CALN1: variants seen among roughly 807,000 people sequenced by gnomAD.
CALN1 encodes calneuron 1.
In CALN1, 17 loss-of-function variants were observed where a neutral mutation model predicts 30.6. The observed-to-expected ratio is 0.56, with a 90% CI of 0.38 to 0.83. The LOEUF (loss-of-function observed/expected upper bound fraction) is 0.83. Among genes scored for constraint, CALN1 ranks in the 40% least tolerant of loss-of-function variants. The pLI, the probability that CALN1 is intolerant of heterozygous loss-of-function variation, is 0.00. For missense variants in CALN1, 291 were observed against 354.9 expected (o/e 0.82, Z 1.45); for synonymous variants, 156 against 131.4 (o/e 1.19, Z -1.28).
At chr7:71,852,843 T>G (rs1790728387) in intron 5 of CALN1, among the ~76,000 whole-genome samples, 1 of 152,228 alleles carries the variant, frequency 6.6e-6, no homozygotes, top group Non-Finnish European at 1.5e-5. Flanking sequence ...TTGTGCTTAT[T>G]AGCCATTTGT....
chr7:72,164,364 AAAAAGAAG>A lies in CALN1; in HGVS notation c.245-58078_245-58071del, dbSNP rs1472750490. The stretch of plus-strand genomic sequence containing the variant: ...AACACTCCGTCAAAAAAAAAAAAAA[AAAAAGAAG>A]AAGAAGAAGACAGAGACACATAGGA... On this transcript the variant is annotated intron_variant, in intron 3 of 6. Coordinates refer to ENST00000395275, the MANE Select transcript of CALN1 (RefSeq NM_031468.4). Among the ~76,000 whole-genome samples the A allele has an allele frequency of 6.8e-3, 973 of 142,770 alleles. 6 individuals are homozygous for A. The highest frequency in any genetic ancestry group is 0.01 in the Non-Finnish European group (641 of 63,996). The allele number at this position is 142,770 out of a possible 152,430, so 93.7% of individuals were successfully genotyped here.
the CALN1 span, among the ~76,000 whole-genome samples, chr7:72,456,578 A>G: frequency 6.7e-3 from 1,020 of 151,976 alleles, 3 homozygotes; most frequent in Non-Finnish European, 0.011. Context: ...TCAGCCAGGC[A>G]TGGTGGCTCA....
At chr7:71,822,820 A>G (rs1788674146) in intron 5 of CALN1, among the ~76,000 whole-genome samples, 1 of 152,080 alleles carries the variant, frequency 6.6e-6, no homozygotes, top group African/African-American at 2.4e-5. Flanking sequence ...ATTTTCTACT[A>G]TTTGCATCTT....
At chr7:72,041,720 A>C (rs1181196754) in intron 4 of CALN1, among the ~76,000 whole-genome samples, 1 of 152,114 alleles carries the variant, frequency 6.6e-6, no homozygotes, top group Non-Finnish European at 1.5e-5. Flanking sequence ...CGTAATTCCC[A>C]CGTGTCATGG....
At chr7:72,241,180 G>A (rs372043897) in intron 3 of CALN1, among the ~76,000 whole-genome samples, 39 of 152,274 alleles carry the variant, frequency 2.6e-4, no homozygotes, top group African/African-American at 9.1e-4. Context: ...AATCATTCAT[G>A]TTAGAGTCTG....
At chr7:71,950,048 C>A (rs1796610619) in intron 5 of CALN1, among the ~76,000 whole-genome samples, 1 of 152,180 alleles carries the variant, frequency 6.6e-6, no homozygotes, top group Non-Finnish European at 1.5e-5. Flanking sequence ...AGGTGTGAGC[C>A]ACCGTGCCTG....
At chr7:72,299,444 A>G (rs902045438) in intron 2 of CALN1, among the ~76,000 whole-genome samples, 1 of 59,068 alleles carries the variant, frequency 1.7e-5, no homozygotes, top group Non-Finnish European at 3.8e-5. Flanking sequence ...TATTTAACTC[A>G]TCTTTCATAG....
intron 2 of CALN1, among the ~76,000 whole-genome samples, chr7:72,373,825 A>C (rs1460350573): frequency 2.0e-5 from 3 of 152,238 alleles, no homozygotes; most frequent in African/African-American, 7.2e-5. Flanking sequence ...GACACATCAT[A>C]AACTGATGAG....
At chr7:72,168,403 G>A (rs1273945317) in intron 3 of CALN1, among the ~76,000 whole-genome samples, 1 of 152,148 alleles carries the variant, frequency 6.6e-6, no homozygotes, top group Admixed American at 6.5e-5. Context: ...AAAATTGCAT[G>A]CATACGTATT....
At chr7:71,790,062 C>A (rs915603316) in intron 6 of CALN1, among the ~76,000 whole-genome samples, 5 of 151,158 alleles carry the variant, frequency 3.3e-5, no homozygotes, top group African/African-American at 1.2e-4. Flanking sequence ...TGTGGTCACA[C>A]CACTGTATTC....
intron 5 of CALN1, among the ~76,000 whole-genome samples, chr7:71,857,821 G>C (rs1023204889): frequency 6.6e-6 from 1 of 152,028 alleles, no homozygotes; most frequent in Admixed American, 6.6e-5. Context: ...AATTAGAAAA[G>C]GAAAAAAGGC....
chr7:72,062,045 T>C (rs1803691280), intron 4 of CALN1, among the ~76,000 whole-genome samples: 2 of 152,102 alleles, frequency 1.3e-5, no homozygotes, highest in Non-Finnish European at 1.5e-5. Flanking sequence ...TGGAACAACA[T>C]TGTTAAAGAG....
intron 5 of CALN1, among the ~76,000 whole-genome samples, chr7:71,862,896 C>G (rs1791373028): frequency 6.6e-6 from 1 of 152,152 alleles, no homozygotes; most frequent in Non-Finnish European, 1.5e-5. Flanking sequence ...AGAGGAAATC[C>G]CATGTAATGA....
intron 3 of CALN1, among the ~76,000 whole-genome samples, chr7:72,138,560 A>ACT (rs6488): frequency 0.76 from 115,652 of 151,988 alleles, 44,461 homozygotes; most frequent in East Asian, 0.96. Context: ...GGAGACGGGG[A>ACT]CTGCCCTTAG....
At chr7:72,301,610 C>CAA (rs34940935) in intron 2 of CALN1, among the ~76,000 whole-genome samples, 59,202 of 104,108 alleles carry the variant, frequency 0.57, 18,108 homozygotes, top group East Asian at 0.97. Flanking sequence ...CTTTGTCTCT[C>CAA]AAAAAAAAAA....
the CALN1 span, among the ~76,000 whole-genome samples, chr7:72,471,017 G>A: frequency 2.6e-5 from 4 of 152,214 alleles, no homozygotes; most frequent in East Asian, 3.9e-4. Context: ...GTGCAGTGGT[G>A]CAATCTTGGC....
At chr7:71,857,020 G>A (rs922653347) in intron 5 of CALN1, among the ~76,000 whole-genome samples, 2 of 94,684 alleles carry the variant, frequency 2.1e-5, no homozygotes, top group African/African-American at 8.9e-5. Flanking sequence ...ATATGTATGT[G>A]TGTGTGTGTG....
At chr7:71,807,367 G>A (rs1214144343) in intron 6 of CALN1, among the ~76,000 whole-genome samples, 1 of 152,168 alleles carries the variant, frequency 6.6e-6, no homozygotes, top group East Asian at 1.9e-4. Context: ...AATGCAACCA[G>A]GGAGGCTCTT....
intron 4 of CALN1, among the ~76,000 whole-genome samples, chr7:72,061,077 G>GAAC (rs1487942208): frequency 6.6e-6 from 1 of 152,132 alleles, no homozygotes; most frequent in Non-Finnish European, 1.5e-5. Flanking sequence ...TTGGAAAACT[G>GAAC]AACAGACCAC....
Sources: gnomAD v4.1 joint callset for allele counts (sites outside exome capture counted in the v4.1 genomes callset) on GRCh38, gnomAD v4.1.1 for gene constraint, MANE v1.5 for transcripts, NCBI Gene and HGNC (gene_info 2026-07-23, HGNC 2026-07-21) for gene names.